Variants in ABLIM1 observed in about 807,000 individuals in gnomAD.
ABLIM1 encodes actin binding LIM protein 1.
In ABLIM1, 40 loss-of-function variants were observed where a neutral mutation model predicts 107.0. The ratio of observed to expected loss-of-function variants is 0.37; its 90% confidence interval spans 0.29 to 0.49. ABLIM1 has a LOEUF of 0.49. Among genes scored for constraint, ABLIM1 ranks in the 20% least tolerant of loss-of-function variants. The pLI, the probability that ABLIM1 is intolerant of heterozygous loss-of-function variation, is 0.97. For synonymous variants in ABLIM1, 357 were observed against 357.3 expected (o/e 1.00, Z 0.01); for missense variants, 857 against 1,008.5 (o/e 0.85, Z 2.04).
At chr10:114,529,703 C>T (rs753054245) in intron 6 of ABLIM1, among the ~76,000 whole-genome samples, 5 of 152,074 alleles carry the variant, frequency 3.3e-5, no homozygotes, top group Admixed American at 6.5e-5. Flanking sequence ...TGCATGCACA[C>T]GATTTGGGGA....
intron 17 of ABLIM1, among the ~76,000 whole-genome samples, chr10:114,442,715 C>T (rs1885335): frequency 0.63 from 95,863 of 152,078 alleles, 31,121 homozygotes; most frequent in African/African-American, 0.8. Context: ...TCTATACCAG[C>T]CTCCTGATTT....
the ABLIM1 span, among the ~76,000 whole-genome samples, chr10:114,785,928 C>A: frequency 1.3e-5 from 2 of 152,142 alleles, no homozygotes; most frequent in African/African-American, 2.4e-5. Context: ...GAGGTTTCAC[C>A]GTGTTGGCCA....
At chr10:114,738,814 A>G (rs146396197) in intron 1 of ABLIM1, among the ~76,000 whole-genome samples, 99 of 152,192 alleles carry the variant, frequency 6.5e-4, no homozygotes, top group South Asian at 1.0e-3. Context: ...CTAGTTGGTT[A>G]GAGGAAGGAA....
intron 3 of ABLIM1, 130 bp from the exon 4 acceptor site, chr10:114,571,536 C>T (rs753603493): frequency 3.7e-5 from 31 of 840,044 alleles, no homozygotes; most frequent in Non-Finnish European, 5.4e-5. Context: ...GTCTGAAATG[C>T]AGTCATAACC....
chr10:114,517,006 G>A (rs534491772), intron 6 of ABLIM1, among the ~76,000 whole-genome samples: 1 of 151,696 alleles, frequency 6.6e-6, no homozygotes, highest in Admixed American at 6.6e-5. Context: ...TTTTTTTGTT[G>A]TTGCTTTTTA....
intron 4 of ABLIM1, among the ~76,000 whole-genome samples, chr10:114,563,071 T>C (rs2070010574): frequency 6.6e-6 from 1 of 152,138 alleles, no homozygotes; most frequent in Admixed American, 6.5e-5. Flanking sequence ...CTCAGACAAA[T>C]AAATGATTTT....
At chr10:114,611,270 C>G (rs933035962) in intron 1 of ABLIM1, among the ~76,000 whole-genome samples, 1 of 152,140 alleles carries the variant, frequency 6.6e-6, no homozygotes, top group Non-Finnish European at 1.5e-5. Flanking sequence ...AGTCCGAGAA[C>G]AGCCTGGCCA....
At chr10:114,574,534 G>A (rs1280127968) in intron 3 of ABLIM1, among the ~76,000 whole-genome samples, 2 of 151,992 alleles carry the variant, frequency 1.3e-5, no homozygotes, top group East Asian at 3.9e-4. Flanking sequence ...CCGCCTCCCG[G>A]GTTCAAGCCA....
chr10:114,520,778 C>T (rs1260032635), intron 6 of ABLIM1, among the ~76,000 whole-genome samples: 1 of 151,922 alleles, frequency 6.6e-6, no homozygotes, highest in Admixed American at 6.6e-5. Context: ...AAGAGAGCAG[C>T]CTGGGCAACA....
rs146278243 is a variant in ABLIM1, at chr10:114,518,429, G to A, written c.895-26551C>T. Among the ~76,000 whole-genome samples the A allele has an allele frequency of 4.3e-3, 646 of 151,684 alleles. 5 individuals are homozygous for A. Among genetic ancestry groups the A allele is most frequent in the African/African-American group, 0.014 (575 of 41,392 alleles). On this transcript the variant is annotated intron_variant, in intron 6 of 22. Coordinates refer to ENST00000533213, the MANE Select transcript of ABLIM1 (RefSeq NM_002313.7). ...ACATATTTTCAGCTTTGTGGACTAC[G>A]CTGTCTCTGTCTCAGCTACTCAAGG...
chr10:114,594,401 G>T (rs562510107), intron 2 of ABLIM1, among the ~76,000 whole-genome samples: 1 of 152,254 alleles, frequency 6.6e-6, no homozygotes, highest in Non-Finnish European at 1.5e-5. Context: ...GCCATTGGAA[G>T]ACATACATTA....
chr10:114,711,357 A>G (rs1185453447), intron 1 of ABLIM1, among the ~76,000 whole-genome samples: 1 of 152,164 alleles, frequency 6.6e-6, no homozygotes, highest in African/African-American at 2.4e-5. Context: ...GAGCCTCTTC[A>G]TCCATAACCT....
At chr10:114,555,015 A>G (rs2068549340) in intron 4 of ABLIM1, among the ~76,000 whole-genome samples, 1 of 152,172 alleles carries the variant, frequency 6.6e-6, no homozygotes, top group Admixed American at 6.5e-5. Context: ...ACCGAGCCGA[A>G]TTTCAGGCAC....
chr10:114,468,003 TTGCTG>T (rs2065555990), intron 11 of ABLIM1, among the ~76,000 whole-genome samples, 173 bp downstream of exon 11: 1 of 152,204 alleles, frequency 6.6e-6, no homozygotes. Context: ...GAGAAATATA[TTGCTG>T]TGTCTTAGAG....
At chr10:114,710,210 T>A (rs1189640419) in intron 1 of ABLIM1, among the ~76,000 whole-genome samples, 1 of 152,166 alleles carries the variant, frequency 6.6e-6, no homozygotes, top group Non-Finnish European at 1.5e-5. Flanking sequence ...TGTATTACAG[T>A]GCAATCTTTA....
chr10:114,684,513 A>C (rs1591822745), exon 1 of ABLIM1: 1 of 1,421,432 alleles, frequency 7.0e-7, no homozygotes. Flanking sequence ...TGGGTGTGCC[A>C]CAGCCAGCGC....
chr10:114,631,924 C>T (rs1189880550), intron 1 of ABLIM1: 3 of 1,304,344 alleles, frequency 2.3e-6, no homozygotes, highest in Non-Finnish European at 3.0e-6. Flanking sequence ...CCATGGCAAC[C>T]GGGTCCTCCG....
chr10:114,702,578 G>A (rs2081328788), intron 1 of ABLIM1, among the ~76,000 whole-genome samples: 1 of 147,808 alleles, frequency 6.8e-6, no homozygotes, highest in Non-Finnish European at 1.5e-5. Context: ...CCAGGCTGGA[G>A]TGCAGTGGCG....
At chr10:114,550,222 G>T (rs1038240065) in intron 4 of ABLIM1, among the ~76,000 whole-genome samples, 1 of 151,724 alleles carries the variant, frequency 6.6e-6, no homozygotes, top group African/African-American at 2.4e-5. Context: ...TAAAAGCTGG[G>T]GTTTATATGA....
Sources: gnomAD v4.1 joint callset for allele counts (sites outside exome capture counted in the v4.1 genomes callset) on GRCh38, gnomAD v4.1.1 for gene constraint, MANE v1.5 for transcripts, NCBI Gene and HGNC (gene_info 2026-07-23, HGNC 2026-07-21) for gene names.